Variants in DNAJC10 observed in about 807,000 individuals in gnomAD.
DNAJC10 encodes the protein endoplasmic reticulum disulfide reductase DNAJC10.
Under a neutral mutation model 115.0 loss-of-function variants are expected in DNAJC10, and 101 were observed. That is an observed-to-expected ratio of 0.88 (90% confidence interval 0.75 to 1.04). The LOEUF is 1.04. DNAJC10 is among the 50% of genes least tolerant of loss of function. The probability of loss-of-function intolerance (pLI) is 0.00; values close to 1 mark genes in which losing one functional copy is unlikely to be tolerated. For missense variants in DNAJC10, 981 were observed against 928.8 expected (o/e 1.06, Z -0.73); for synonymous variants, 307 against 301.5 (o/e 1.02, Z -0.19).
chr2:182,752,321 CAA>C (rs1309200532), intron 16 of DNAJC10, 133 bp downstream of exon 16: 1 of 469,206 alleles, frequency 2.1e-6, no homozygotes, highest in African/African-American at 2.0e-5. Context: ...ATTATTTAAA[CAA>C]AATAATATTT....
Position 182,754,995 on chromosome 2 carries a change from C to T in DNAJC10, c.1552-8C>T, listed in dbSNP as rs781700552. On this transcript the variant is annotated splice_region_variant and splice_polypyrimidine_tract_variant and intron_variant, in intron 16 of 23. Coordinates refer to ENST00000264065, the MANE Select transcript of DNAJC10 (RefSeq NM_018981.4). ...AAAATCTTTAATTCATATTCTCCTT[C>T]CTATCAGTATAACATTCAGGCTTAT... 9 of 1,542,872 alleles carry T rather than the reference C, an allele frequency of 5.8e-6. No homozygotes were observed. Among genetic ancestry groups the T allele is most frequent in the Non-Finnish European group, 8.1e-6 (9 of 1,117,034 alleles).
chr2:182,718,494 T>G (rs2105601110), intron 3 of DNAJC10, among the ~76,000 whole-genome samples: 1 of 152,296 alleles, frequency 6.6e-6, no homozygotes, highest in East Asian at 1.9e-4. Flanking sequence ...AAAATTCAGT[T>G]CCCTCTTAAT....
chr2:182,728,125 ACTAAAC>A (rs1254263174), intron 5 of DNAJC10, among the ~76,000 whole-genome samples: 1 of 152,186 alleles, frequency 6.6e-6, no homozygotes, highest in Non-Finnish European at 1.5e-5. Context: ...GTCAGAATTG[ACTAAAC>A]CTACTTAACC....
chr2:182,735,550 C>T (rs1693562313), intron 10 of DNAJC10, among the ~76,000 whole-genome samples: 1 of 152,016 alleles, frequency 6.6e-6, no homozygotes, highest in African/African-American at 2.4e-5. Context: ...TTCTTGATCA[C>T]TGTAGGTTAA....
rs1489720581 is a variant in DNAJC10 at position 182,789,542 on chromosome 2, T to C, written c.*12410T>C. 1 of 152,202 alleles carries C rather than the reference T, an allele frequency of 6.6e-6. No individual in the cohort carries two copies. The highest frequency in any genetic ancestry group is 1.5e-5 in the Non-Finnish European group (1 of 68,038). 9.4% of individuals were successfully genotyped at this position (152,202 alleles called of 1,614,324 possible). A position where few individuals can be genotyped will look rare whatever the true frequency, so the allele number is the denominator to read the frequency against. Reference sequence around the variant, plus strand: ...AGCCAATTTTCTTCCTTTTTAAGGCTGAATAATATTCAATTATATATACAT... The same window carrying C: ...AGCCAATTTTCTTCCTTTTTAAGGCCGAATAATATTCAATTATATATACAT... On this transcript the variant is annotated 3_prime_UTR_variant, in exon 24 of 24. Transcript: ENST00000264065.
chr2:182,762,863 G>C lies in DNAJC10; in HGVS notation c.2265+62G>C. 2.0e-6 allele frequency: 3 copies of C among 1,526,270 alleles called. No individual in the cohort carries two copies. In the South Asian group the frequency reaches 3.7e-5, roughly 19 times the overall value. The allele number at this position is 1,526,270 out of a possible 1,614,324, so 94.5% of individuals were successfully genotyped here. On this transcript the variant is annotated intron_variant, in intron 22 of 23. Coordinates refer to ENST00000264065, the MANE Select transcript of DNAJC10 (RefSeq NM_018981.4). ...GGCCAAGCTCAAAAGATGTGTTTCA[G>C]TCTGAGTAATGTTTTTTTTCTGTTT...
chr2:182,777,803 T>TTTAA lies in DNAJC10; in HGVS notation c.*674_*677dup, dbSNP rs902283816. The TTTAA allele has an allele frequency of 2.6e-4, 39 of 152,198 alleles. No individual in the cohort carries two copies. 9.4% of individuals were successfully genotyped at this position (152,198 alleles called of 1,614,324 possible). ...CCTTCTCAAAGGTTGAAAAAATGCT[T>TTTAA]TTAATTTTTCACAGCCGAGAAACAG... On this transcript the variant is annotated 3_prime_UTR_variant, in exon 24 of 24. Coordinates refer to ENST00000264065, the MANE Select transcript of DNAJC10 (RefSeq NM_018981.4).
At chr2:182,738,110 A>T (rs921622109) in intron 11 of DNAJC10, among the ~76,000 whole-genome samples, 5 of 152,318 alleles carry the variant, frequency 3.3e-5, no homozygotes, top group Admixed American at 2.0e-4. Flanking sequence ...TGATCCCTGG[A>T]TGGTAAGTCA....
intron 15 of DNAJC10, 104 bp from the exon 16 acceptor site, chr2:182,751,968 C>A (rs926017582): frequency 2.5e-6 from 3 of 1,223,068 alleles, no homozygotes; most frequent in African/African-American, 3.0e-5. Context: ...AGGTTTGCCG[C>A]TAAGTACAGT....
intron 22 of DNAJC10, among the ~76,000 whole-genome samples, chr2:182,763,951 A>G (rs1347029013): frequency 6.6e-6 from 1 of 152,168 alleles, no homozygotes; most frequent in Admixed American, 6.6e-5. Flanking sequence ...TTGGGGTTTA[A>G]CCAATGAAAA....
At chr2:182,747,712 A>G (rs1425834319) in intron 14 of DNAJC10, among the ~76,000 whole-genome samples, 4 of 149,190 alleles carry the variant, frequency 2.7e-5, no homozygotes, top group Non-Finnish European at 4.5e-5. Flanking sequence ...CTAATTGAAT[A>G]CCCTTTATTT....
intron 9 of DNAJC10, among the ~76,000 whole-genome samples, chr2:182,731,905 G>C (rs991806622): frequency 6.6e-6 from 1 of 152,072 alleles, no homozygotes; most frequent in South Asian, 2.1e-4. Context: ...CCAAATTTCT[G>C]TTCATCCACA....
chr2:182,730,811 TTAATGAAA>T (rs1574924118), intron 8 of DNAJC10, among the ~76,000 whole-genome samples: 1 of 152,140 alleles, frequency 6.6e-6, no homozygotes, highest in Admixed American at 6.5e-5. Flanking sequence ...AGTTTTTTTC[TTAATGAAA>T]TAATGAATTT....
At chr2:182,762,932 C>T (rs1361870767) in intron 22 of DNAJC10, 131 bp downstream of exon 22, 1 of 1,076,024 alleles carries the variant, frequency 9.3e-7, no homozygotes, top group African/African-American at 1.6e-5. Context: ...ATTACTGATA[C>T]AAGTTTTTAA....
At chr2:182,724,431 A>G (rs1296315609) in intron 5 of DNAJC10, among the ~76,000 whole-genome samples, 2 of 152,186 alleles carry the variant, frequency 1.3e-5, no homozygotes, top group African/African-American at 4.8e-5. Context: ...GCTTTTGGTT[A>G]AAGGATTTCC....
chr2:182,745,893 C>T (rs1025150835), intron 14 of DNAJC10, among the ~76,000 whole-genome samples: 3 of 152,060 alleles, frequency 2.0e-5, no homozygotes, highest in Non-Finnish European at 4.4e-5. Flanking sequence ...CCCCACTCCC[C>T]CCACCCCACA....
At chr2:182,770,769 T>G (rs1694539975) in intron 22 of DNAJC10, among the ~76,000 whole-genome samples, 1 of 152,238 alleles carries the variant, frequency 6.6e-6, no homozygotes, top group South Asian at 2.1e-4. Context: ...ACAATTTGAC[T>G]TCCTCATTTC....
At chr2:182,775,456 T>C (rs764452004) in intron 23 of DNAJC10, 36 bp downstream of exon 23, 12 of 1,434,704 alleles carry the variant, frequency 8.4e-6, no homozygotes, top group Non-Finnish European at 1.2e-5. Flanking sequence ...TTGGCAAAAG[T>C]TGGCAAAAGT....
chr2:182,766,876 C>G (rs1574954762), intron 22 of DNAJC10, among the ~76,000 whole-genome samples: 1 of 151,906 alleles, frequency 6.6e-6, no homozygotes, highest in African/African-American at 2.4e-5. Flanking sequence ...GTTGCCTGAA[C>G]GGGGCCAACA....
Sources: allele counts gnomAD v4.1 joint callset (sites outside exome capture counted in the v4.1 genomes callset), GRCh38; gene constraint gnomAD v4.1.1; transcripts MANE v1.5; gene names NCBI Gene and HGNC (gene_info 2026-07-23, HGNC 2026-07-21).